ITGA1: variants seen among roughly 807,000 people sequenced by gnomAD.
ITGA1 encodes the protein integrin alpha-1.
In ITGA1, 85 loss-of-function variants were observed where a neutral mutation model predicts 145.9. That is an observed-to-expected ratio of 0.58 (90% CI 0.49 to 0.70). The LOEUF is 0.70. Ranked by LOEUF, ITGA1 falls within the 30% of genes least tolerant of loss-of-function variation. The pLI, the probability that ITGA1 is intolerant of heterozygous loss-of-function variation, is 0.00. For synonymous variants in ITGA1, 520 were observed against 495.3 expected, an observed-to-expected ratio of 1.05 and a Z score of -0.66; for missense variants, 1,351 against 1,418.7, an observed-to-expected ratio of 0.95 and a Z score of 0.77.
intron 1 of ITGA1, chr5:52,801,657 A>C (rs1312981065): frequency 2.5e-6 from 4 of 1,614,086 alleles, no homozygotes; most frequent in Non-Finnish European, 3.4e-6. Flanking sequence ...ATGTAGCCAC[A>C]CGGAGCCGGT....
intron 8 of ITGA1, among the ~76,000 whole-genome samples, chr5:52,891,861 T>A (rs1750156821): frequency 6.6e-6 from 1 of 152,086 alleles, no homozygotes; most frequent in African/African-American, 2.4e-5. Context: ...TTACATATTG[T>A]TTTAAAAATG....
At chr5:52,912,422 CACTAT>C in intron 14 of ITGA1, among the ~76,000 whole-genome samples, 1 of 141,250 alleles carries the variant, frequency 7.1e-6, no homozygotes, top group Non-Finnish European at 1.5e-5. Flanking sequence ...ATAGTGTATC[CACTAT>C]AGGTATTATA....
At chr5:52,871,158 G>A (rs73106321) in intron 6 of ITGA1, among the ~76,000 whole-genome samples, 5,563 of 152,192 alleles carry the variant, frequency 0.037, 313 homozygotes, top group African/African-American at 0.12. Flanking sequence ...CTACAAATGC[G>A]CTTTGATGTT....
intron 1 of ITGA1, among the ~76,000 whole-genome samples, chr5:52,809,503 T>TG (rs1748650589): frequency 1.1e-5 from 1 of 87,270 alleles, no homozygotes; most frequent in South Asian, 4.1e-4. Context: ...TCAACTTTAC[T>TG]TTTTTTTTTT....
At chr5:52,951,388 T>TATCCCCC (rs1424855048) in intron 28 of ITGA1, among the ~76,000 whole-genome samples, 1 of 152,226 alleles carries the variant, frequency 6.6e-6, no homozygotes, top group Non-Finnish European at 1.5e-5. Context: ...AGATCCCTTC[T>TATCCCCC]ATCCCCCATA....
At chr5:52,952,179 A>ACT (rs10688844) in intron 28 of ITGA1, among the ~76,000 whole-genome samples, 76,569 of 147,638 alleles carry the variant, frequency 0.52, 20,534 homozygotes, top group Middle Eastern at 0.59. Flanking sequence ...ACAGAGTGAG[A>ACT]CTGTCTCAAA....
At chr5:52,885,307 T>C (rs745799291) in intron 7 of ITGA1, among the ~76,000 whole-genome samples, 26 of 152,182 alleles carry the variant, frequency 1.7e-4, no homozygotes, top group Non-Finnish European at 2.6e-4. Context: ...GCTGAACGTT[T>C]CAAGCTTCTG....
chr5:52,932,479 G>A (rs778029874), intron 22 of ITGA1: 31 of 176,896 alleles, frequency 1.8e-4, no homozygotes, highest in Non-Finnish European at 2.8e-4. Flanking sequence ...CTTAGAGGCC[G>A]CCAGCATATT....
At chr5:52,940,241 C>T (rs141828234) in intron 26 of ITGA1, among the ~76,000 whole-genome samples, 113 of 152,184 alleles carry the variant, frequency 7.4e-4, no homozygotes, top group Admixed American at 1.2e-3. Context: ...AAAGCTTGCA[C>T]TTATCTTAAT....
intron 27 of ITGA1, among the ~76,000 whole-genome samples, chr5:52,946,070 C>T (rs1198725077): frequency 6.6e-6 from 1 of 151,986 alleles, no homozygotes; most frequent in Admixed American, 6.6e-5. Flanking sequence ...GTTAAAAATT[C>T]CCCTGGAAAT....
At chr5:52,899,613 A>G (rs953203924) in intron 11 of ITGA1, among the ~76,000 whole-genome samples, 2 of 152,192 alleles carry the variant, frequency 1.3e-5, no homozygotes, top group African/African-American at 4.8e-5. Context: ...AGGATGTGCC[A>G]GTAAAATATT....
chr5:52,863,629 C>A (rs1222960951), intron 3 of ITGA1, among the ~76,000 whole-genome samples: 1 of 151,888 alleles, frequency 6.6e-6, no homozygotes, highest in African/African-American at 2.4e-5. Flanking sequence ...TTTTTTAATT[C>A]TTCCTAGAAT....
intron 15 of ITGA1, among the ~76,000 whole-genome samples, chr5:52,918,242 T>C (rs903586930): frequency 6.6e-5 from 10 of 152,174 alleles, no homozygotes; most frequent in African/African-American, 2.2e-4. Flanking sequence ...AAGAATTAAA[T>C]GAAATAGCAT....
intron 1 of ITGA1, chr5:52,800,662 G>A: frequency 6.2e-7 from 1 of 1,614,174 alleles, no homozygotes; most frequent in Non-Finnish European, 8.5e-7. Context: ...CAACATCCAA[G>A]AGAATGAGTA....
intron 6 of ITGA1, among the ~76,000 whole-genome samples, chr5:52,870,886 G>A (rs1749766676): frequency 6.6e-6 from 1 of 152,224 alleles, no homozygotes; most frequent in South Asian, 2.1e-4. Context: ...ATATCTCAAT[G>A]AAGGGAGTTC....
chr5:52,862,256 T>TTAATCAAC (rs1749618409), intron 3 of ITGA1, among the ~76,000 whole-genome samples: 1 of 151,866 alleles, frequency 6.6e-6, no homozygotes, highest in Non-Finnish European at 1.5e-5. Flanking sequence ...AAAACAGATT[T>TTAATCAAC]TAATCAACTC....
chr5:52,904,999 G>A (rs1156601038), intron 11 of ITGA1: 1 of 152,120 alleles, frequency 6.6e-6, no homozygotes, highest in African/African-American at 2.4e-5. Context: ...TTAAATAATA[G>A]TGATGATACA....
At chr5:52,901,967 T>C (rs1032402524) in intron 11 of ITGA1, 3 of 152,216 alleles carry the variant, frequency 2.0e-5, no homozygotes, top group East Asian at 1.9e-4. Context: ...TAGAAAAGCA[T>C]TCAGAAAAGG....
chr5:52,834,599 A>AG (rs1334111798), intron 1 of ITGA1, among the ~76,000 whole-genome samples: 5 of 145,356 alleles, frequency 3.4e-5, no homozygotes, highest in South Asian at 2.1e-4. Flanking sequence ...GAGAGAGAAG[A>AG]AAGAGAGAGA....
Sources: gnomAD v4.1 joint callset for allele counts (sites outside exome capture counted in the v4.1 genomes callset) on GRCh38, gnomAD v4.1.1 for gene constraint, MANE v1.5 for transcripts, NCBI Gene and HGNC (gene_info 2026-07-23, HGNC 2026-07-21) for gene names.